The following WDR6 variants were observed in gnomAD, a reference collection of about 807,000 sequenced individuals.
The protein encoded by WDR6 is tRNA (34-2'-O)-methyltransferase regulator WDR6.
Under a neutral mutation model 85.6 loss-of-function variants are expected in WDR6, and 58 were observed. That is an observed-to-expected ratio of 0.68 (90% CI 0.55 to 0.84). WDR6 has a LOEUF of 0.84. Ranked by LOEUF, WDR6 falls within the 40% of genes least tolerant of loss-of-function variation. The probability of loss-of-function intolerance (pLI) is 0.00; values close to 1 mark genes in which losing one functional copy is unlikely to be tolerated. For synonymous variants in WDR6, 569 were observed against 582.2 expected, an observed-to-expected ratio of 0.98 and a Z score of 0.33; for missense variants, 1,310 against 1,476.4, an observed-to-expected ratio of 0.89 and a Z score of 1.85.
chr3:49,007,586 C>T lies in WDR6; in HGVS notation c.100+55C>T. On this transcript the variant is annotated intron_variant, in intron 1 of 5. Coordinates refer to ENST00000608424, the MANE Select transcript of WDR6 (RefSeq NM_018031.6). The surrounding 1 kb of genome is among the most constrained non-coding windows in gnomAD (Gnocchi z 5.1). ...GAAAGGGGGAAAGAAACAGCGCCTC[C>T]CAGGGGCGGTGCCACAGGGACAAAA... 1 of 1,534,738 alleles carries T rather than the reference C, an allele frequency of 6.5e-7. No individual in the cohort carries two copies. The highest frequency in any genetic ancestry group is 8.8e-7 in the Non-Finnish European group (1 of 1,133,678).
Position 49,012,493 on chromosome 3 carries a change from CAG to C in WDR6, c.960_961del (p.Gly321HisfsTer25), listed in dbSNP as rs2093022137. On this transcript the variant is annotated frameshift_variant, in exon 2 of 6. Coordinates refer to ENST00000608424, the MANE Select transcript of WDR6 (RefSeq NM_018031.6). LOFTEE classifies it high-confidence loss of function. This position sits in a 1 kb window ranked among gnomAD's most constrained non-coding sequence, Gnocchi z 4.4. ...TGGGTGATCACTGGGGGTGATGACT[CAG>C]GCATTCGGCTGTGGCACTTGGTAGG... is the stretch of plus-strand genomic sequence containing the variant. 1.9e-6 allele frequency: 3 copies of C among 1,614,104 alleles called. No homozygotes were observed. The highest frequency in any genetic ancestry group is 2.5e-6 in the Non-Finnish European group (3 of 1,180,018).
In WDR6 at chr3:49,014,686, T is replaced by A; in HGVS notation, c.2870T>A (p.Leu957Gln). The A allele has an allele frequency of 1.2e-6, 2 of 1,613,422 alleles. No individual in the cohort carries two copies. The highest frequency in any genetic ancestry group is 8.5e-7 in the Non-Finnish European group (1 of 1,179,948). ...TTMLDHDSTVLEPPVDPGLPY... is the reference protein window; with the variant it reads ...TTMLDHDSTVQEPPVDPGLPY... The stretch of plus-strand genomic sequence containing the variant: ...ATGCTAGACCATGACTCCACTGTCC[T>A]GGAGCCTCCAGTGGATCCTGGGCTT... Residue 957 changes from leucine (L) to glutamine (Q), a missense_variant, in exon 5 of 6, where the codon CTG becomes CAG. Transcript: ENST00000608424. This position sits in a 1 kb window ranked among gnomAD's most constrained non-coding sequence, Gnocchi z 4.9.
rs1427343455 is a variant in WDR6 at position 49,014,188 on chromosome 3, C to T, written c.2583-22C>T. On this transcript the variant is annotated intron_variant, in intron 2 of 5. Coordinates refer to ENST00000608424, the MANE Select transcript of WDR6 (RefSeq NM_018031.6). This position sits in a 1 kb window ranked among gnomAD's most constrained non-coding sequence, Gnocchi z 4.9. ...TCCCAGGCTTGCAGGCTCCACCTGACAGCTGCATGTTGTCTCTGCAGGTAC... is the reference window on the plus strand; with the variant it reads ...TCCCAGGCTTGCAGGCTCCACCTGATAGCTGCATGTTGTCTCTGCAGGTAC... 1.2e-6 allele frequency: 2 copies of T among 1,614,180 alleles called. No homozygotes were observed.
intron 1 of WDR6, among the ~76,000 whole-genome samples, chr3:49,010,896 A>G (rs1411169481): frequency 6.6e-6 from 1 of 150,568 alleles, no homozygotes; most frequent in African/African-American, 2.4e-5. Context: ...GGGCGCCTGT[A>G]ATTCCAGCTA....
In WDR6 at chr3:49,012,262, T is replaced by C. The variant is rs1421781952; in HGVS notation, c.728T>C (p.Val243Ala). 1 of 1,614,198 alleles carries C rather than the reference T, an allele frequency of 6.2e-7. No homozygotes were observed. Among genetic ancestry groups the C allele is most frequent in the Non-Finnish European group, 8.5e-7 (1 of 1,180,032 alleles). The change falls in exon 2 of 6, where the codon GTG (valine) becomes GCG (alanine). Residue 243 changes from valine (V) to alanine (A), a missense_variant. Coordinates refer to ENST00000608424, the MANE Select transcript of WDR6 (RefSeq NM_018031.6). This position sits in a 1 kb window ranked among gnomAD's most constrained non-coding sequence, Gnocchi z 4.4. ...ATCTGGAAGGTGGGCGACCTGCGAG[T>C]GCCTGGGGGTCGGGTGCAGAATATT... ...VRIWKVGDLRVPGGRVQNIGH... is the reference protein window; with the variant it reads ...VRIWKVGDLRAPGGRVQNIGH...
In WDR6 at chr3:49,013,484, C is replaced by A. The variant is rs763636141; in HGVS notation, c.1950C>A (p.Ile650=). 1.2e-5 allele frequency: 20 copies of A among 1,614,000 alleles called. No homozygotes were observed. The South Asian group carries it at 2.0e-4, about 16-fold the overall frequency. ...CTCGGTCACACGAGAAGCTGCACAT[C>A]GTCAACTGTGGTGGAGGGCACCGTT... ...WNPRSHEKLH[I]VNCGGGHRSW... is the part of the protein sequence containing the mutation. The change falls in exon 2 of 6, where the codon ATC becomes ATA. Residue 650 remains isoleucine, a synonymous_variant. Transcript: ENST00000608424. The surrounding 1 kb of genome is among the most constrained non-coding windows in gnomAD (Gnocchi z 4.6).
chr3:49,013,997 C>A lies in WDR6; in HGVS notation c.2463C>A (p.Asp821Glu). ...GCTTCAGCATCATGGTTACTCCGGA[C>A]CCCAGCACCCCAAGCCGCCTCGCCT... ...MHCFSIMVTP[D>E]PSTPSRLACH... Residue 821 changes from aspartate to glutamate, a missense_variant, in exon 2 of 6, where the codon GAC becomes GAA. Coordinates refer to ENST00000608424, the MANE Select transcript of WDR6 (RefSeq NM_018031.6). The surrounding 1 kb of genome is among the most constrained non-coding windows in gnomAD (Gnocchi z 4.6). 1 of 1,611,712 alleles carries A rather than the reference C, an allele frequency of 6.2e-7. No individual in the cohort carries two copies. Among genetic ancestry groups the A allele is most frequent in the Non-Finnish European group, 8.5e-7 (1 of 1,180,006 alleles).
At chr3:49,009,306 T>TCCCC (rs1200625119) in intron 1 of WDR6, among the ~76,000 whole-genome samples, 1 of 11,426 alleles carries the variant, frequency 8.8e-5, no homozygotes, top group African/African-American at 4.7e-4. Flanking sequence ...CTCCCATTGC[T>TCCCC]CCCCACCCCC....
intron 1 of WDR6, chr3:49,008,285 A>C (rs1292576867): frequency 4.6e-5 from 7 of 152,250 alleles, no homozygotes; most frequent in Non-Finnish European, 8.8e-5. Flanking sequence ...GGTCTCGAAC[A>C]GTCATTACAT....
At position 49,007,605 on chromosome 3, in the gene WDR6, G is replaced by A. The variant is rs1195991725; in HGVS notation, c.100+74G>A. On this transcript the variant is annotated intron_variant, in intron 1 of 5. Transcript: ENST00000608424. The surrounding 1 kb of genome is among the most constrained non-coding windows in gnomAD (Gnocchi z 5.1). Reference sequence around the variant, plus strand: ...CGCCTCCCAGGGGCGGTGCCACAGGGACAAAAGGGGTGCCCTGAGGAGAAG... The same window carrying A: ...CGCCTCCCAGGGGCGGTGCCACAGGAACAAAAGGGGTGCCCTGAGGAGAAG... 1.3e-6 allele frequency: 2 copies of A among 1,487,440 alleles called. No homozygotes were observed. The highest frequency in any genetic ancestry group is 9.0e-7 in the Non-Finnish European group (1 of 1,112,282). The allele number at this position is 1,487,440 out of a possible 1,614,324, so 92.1% of individuals were successfully genotyped here.
chr3:49,008,283 A>G (rs2092995868), intron 1 of WDR6: 1 of 152,274 alleles, frequency 6.6e-6, no homozygotes, highest in Non-Finnish European at 1.5e-5. Context: ...CTGGTCTCGA[A>G]CAGTCATTAC....
Position 49,013,269 on chromosome 3 carries a change from G to A in WDR6, c.1735G>A (p.Gly579Ser), listed in dbSNP as rs755850196. The change falls in exon 2 of 6, where the codon GGT becomes AGT. Residue 579 changes from glycine (G) to serine (S), a missense_variant. Coordinates refer to ENST00000608424, the MANE Select transcript of WDR6 (RefSeq NM_018031.6). The surrounding 1 kb of genome is among the most constrained non-coding windows in gnomAD (Gnocchi z 4.6). Reference protein sequence around the residue: ...KQGVTSVTCHGGYVYTTGRDG... With the variant: ...KQGVTSVTCHSGYVYTTGRDG... ...GGGTGTGACCTCAGTCACATGCCAT[G>A]GTGGCTATGTGTATACCACAGGGCG... The A allele has an allele frequency of 1.2e-6, 2 of 1,614,104 alleles. No homozygotes were observed. Among genetic ancestry groups the A allele is most frequent in the South Asian group, 2.2e-5 (2 of 91,082 alleles).
rs1006319932 is a variant in WDR6, at chr3:49,015,324, C to T, written c.*36C>T. The T allele has an allele frequency of 1.9e-6, 3 of 1,592,648 alleles. No individual in the cohort carries two copies. Among genetic ancestry groups the T allele is most frequent in the South Asian group, 2.2e-5 (2 of 90,156 alleles). ...GGTGGCTGGCGTGCTGGGCATGGGG[C>T]CTGCTCACAGACAGCATGGAGCAGG... On this transcript the variant is annotated 3_prime_UTR_variant, in exon 6 of 6. Transcript: ENST00000608424.
At chr3:49,011,459 C>T (rs778434503) in intron 1 of WDR6, 176 bp from the exon 2 acceptor site, 12 of 1,581,562 alleles carry the variant, frequency 7.6e-6, no homozygotes, top group Middle Eastern at 1.9e-4. Flanking sequence ...AGATTACAGG[C>T]GTGAGCCACC....
At position 49,015,348 on chromosome 3, in the gene WDR6, G is replaced by C. The variant is rs1000550060; in HGVS notation, c.*60G>C. On this transcript the variant is annotated 3_prime_UTR_variant, in exon 6 of 6. Coordinates refer to ENST00000608424, the MANE Select transcript of WDR6 (RefSeq NM_018031.6). ...GCCTGCTCACAGACAGCATGGAGCA[G>C]GGATGGGCTGTCTGTGCCCATGCTC... 1.1e-5 allele frequency: 17 copies of C among 1,567,660 alleles called. No homozygotes were observed. Among genetic ancestry groups the C allele is most frequent in the Non-Finnish European group, 1.5e-5 (17 of 1,156,148 alleles).
chr3:49,013,557 A>G lies in WDR6; in HGVS notation c.2023A>G (p.Lys675Glu). ...GGCGGCCATGGCCTTTGCTTACCTC[A>G]AGGATGGGGATGTCATGCTGTACAG... Reference protein sequence around the residue: ...TEAAMAFAYLKDGDVMLYRAL... With the variant: ...TEAAMAFAYLEDGDVMLYRAL... The change falls in exon 2 of 6, where the codon AAG (lysine) becomes GAG (glutamate). Residue 675 changes from lysine (K) to glutamate (E), a missense_variant. By Grantham distance (56) the Lys-to-Glu change is moderately conservative. Coordinates refer to ENST00000608424, the MANE Select transcript of WDR6 (RefSeq NM_018031.6). This position sits in a 1 kb window ranked among gnomAD's most constrained non-coding sequence, Gnocchi z 4.6. 1 of 1,613,948 alleles carries G rather than the reference A, an allele frequency of 6.2e-7. No individual in the cohort carries two copies. The highest frequency in any genetic ancestry group is 1.3e-5 in the African/African-American group (1 of 74,972).
chr3:49,015,476 A>T lies in WDR6; in HGVS notation c.*188A>T. ...CCAAGAATATGCCCGACTCCCCATG[A>T]CAAGACAGAACTTTGTAACAAACAG... On this transcript the variant is annotated 3_prime_UTR_variant, in exon 6 of 6. Transcript: ENST00000608424. The T allele has an allele frequency of 6.5e-7, 1 of 1,533,580 alleles. No homozygotes were observed. The highest frequency in any genetic ancestry group is 1.2e-5 in the South Asian group (1 of 83,786). The allele number at this position is 1,533,580 out of a possible 1,614,324, so 95.0% of individuals were successfully genotyped here. A position where few individuals can be genotyped will look rare whatever the true frequency, so the allele number is the denominator to read the frequency against.
chr3:49,013,557 A>C lies in WDR6; in HGVS notation c.2023A>C (p.Lys675Gln). The change falls in exon 2 of 6, where the codon AAG becomes CAG. Residue 675 changes from lysine (K) to glutamine (Q), a missense_variant. Physicochemically the swap from Lys to Gln is moderately conservative, Grantham distance 53. Transcript: ENST00000608424. This position sits in a 1 kb window ranked among gnomAD's most constrained non-coding sequence, Gnocchi z 4.6. ...TEAAMAFAYL[K>Q]DGDVMLYRAL... ...GGCGGCCATGGCCTTTGCTTACCTC[A>C]AGGATGGGGATGTCATGCTGTACAG... The C allele has an allele frequency of 1.9e-6, 3 of 1,613,948 alleles. No homozygotes were observed. The highest frequency in any genetic ancestry group is 2.5e-6 in the Non-Finnish European group (3 of 1,179,998).
At position 49,014,525 on chromosome 3, in the gene WDR6, G is replaced by C. The variant is rs1407044827; in HGVS notation, c.2783+26G>C. 3 of 1,613,832 alleles carry C rather than the reference G, an allele frequency of 1.9e-6. No homozygotes were observed. Among genetic ancestry groups the C allele is most frequent in the South Asian group, 1.1e-5 (1 of 91,084 alleles). On this transcript the variant is annotated intron_variant, in intron 4 of 5. Coordinates refer to ENST00000608424, the MANE Select transcript of WDR6 (RefSeq NM_018031.6). This position sits in a 1 kb window ranked among gnomAD's most constrained non-coding sequence, Gnocchi z 4.9. ...GTGAGAGGGGCTGGATGATGGTCCT[G>C]CATGGGCTGGGTTGGGGGGTTCCTG...
Sources: allele counts gnomAD v4.1 joint callset (sites outside exome capture counted in the v4.1 genomes callset), GRCh38; gene constraint gnomAD v4.1.1; non-coding constraint Gnocchi (gnomAD v3.1); transcripts MANE v1.5; gene names NCBI Gene and HGNC (gene_info 2026-07-23, HGNC 2026-07-21).